CAMKMT: variants seen among roughly 807,000 people sequenced by gnomAD.
CAMKMT encodes calmodulin-lysine N-methyltransferase, also known as CaM KMT.
CAMKMT carries 53 observed loss-of-function variants against 48.0 expected under a neutral mutation model. That is an observed-to-expected ratio of 1.10 (90% CI 0.89 to 1.39). The LOEUF is 1.39. Ranked by LOEUF, CAMKMT falls within the 40% of genes most tolerant of loss-of-function variation. CAMKMT has a pLI of 0.00. For synonymous variants in CAMKMT, 165 were observed against 152.3 expected (o/e 1.08, Z -0.61); for missense variants, 428 against 402.7 (o/e 1.06, Z -0.54).
intron 2 of CAMKMT, among the ~76,000 whole-genome samples, chr2:44,378,625 C>A (rs1007651640): frequency 2.0e-5 from 3 of 152,160 alleles, no homozygotes; most frequent in African/African-American, 7.2e-5. Flanking sequence ...TCCTGATTAG[C>A]TGGGACTACA....
intron 5 of CAMKMT, 109 bp from the exon 6 acceptor site, chr2:44,707,290 G>C: frequency 1.2e-6 from 1 of 843,872 alleles, no homozygotes; most frequent in South Asian, 1.6e-5. Flanking sequence ...GATTGTTACA[G>C]AGAAATAGGT....
At chr2:44,522,240 C>T (rs553034622) in intron 3 of CAMKMT, among the ~76,000 whole-genome samples, 116 of 152,186 alleles carry the variant, frequency 7.6e-4, no homozygotes, top group Middle Eastern at 3.4e-3. Flanking sequence ...CTCCTGACCT[C>T]GTGATATGCT....
intron 3 of CAMKMT, among the ~76,000 whole-genome samples, chr2:44,564,588 A>G (rs1668510456): frequency 6.6e-6 from 1 of 151,416 alleles, no homozygotes; most frequent in Admixed American, 6.6e-5. Context: ...CTTGTCACCC[A>G]GGAAGCTGGA....
intron 3 of CAMKMT, among the ~76,000 whole-genome samples, chr2:44,597,556 C>G (rs1431174339): frequency 6.6e-6 from 1 of 152,196 alleles, no homozygotes; most frequent in African/African-American, 2.4e-5. Context: ...TTAACCCTTG[C>G]TGTGTCATGA....
intron 3 of CAMKMT, among the ~76,000 whole-genome samples, chr2:44,410,247 ATTTTTTTTTTT>A (rs1164693728): frequency 5.1e-5 from 1 of 19,486 alleles, no homozygotes; most frequent in Non-Finnish European, 1.0e-4. Flanking sequence ...ATATATATAT[ATTTTTTTTTTT>A]TTTTTTTTTT....
At chr2:44,669,273 T>C (rs4953130) in intron 3 of CAMKMT, among the ~76,000 whole-genome samples, 113,365 of 152,128 alleles carry the variant, frequency 0.75, 42,511 homozygotes, top group East Asian at 0.9. Context: ...AATTCATTTT[T>C]ACTGCAATAT....
At chr2:44,446,047 AGC>A (rs1666977585) in intron 3 of CAMKMT, among the ~76,000 whole-genome samples, 1 of 152,114 alleles carries the variant, frequency 6.6e-6, no homozygotes, top group Admixed American at 6.6e-5. Flanking sequence ...GGAATGTGAC[AGC>A]CAAGTATAAA....
intron 3 of CAMKMT, chr2:44,549,693 C>T (rs1483909080): frequency 3.6e-6 from 2 of 549,166 alleles, no homozygotes; most frequent in Non-Finnish European, 6.4e-6. Context: ...TATTTATTGG[C>T]TTAAGGATTA....
rs190121699 is a variant in CAMKMT at position 44,716,775 on chromosome 2, T to C, written c.623+1422T>C. The stretch of plus-strand genomic sequence containing the variant: ...AGTTATCAATCAAAAGTGCATTTTC[T>C]ATGTTGTCCTCATTTACATTTATTT... On this transcript the variant is annotated intron_variant, in intron 7 of 10. Transcript: ENST00000378494. 3.3e-5 allele frequency among the ~76,000 whole-genome samples: 5 copies of C among 152,344 alleles called. No individual in the cohort carries two copies. In the East Asian group the frequency reaches 9.6e-4, roughly 29 times the overall value.
intron 3 of CAMKMT, among the ~76,000 whole-genome samples, chr2:44,594,809 A>G (rs1670553054): frequency 6.6e-6 from 1 of 152,226 alleles, no homozygotes. Flanking sequence ...AAAATTGACA[A>G]GTGGGATCTA....
intron 3 of CAMKMT, among the ~76,000 whole-genome samples, chr2:44,559,140 A>G (rs1460250122): frequency 6.6e-6 from 1 of 152,180 alleles, no homozygotes; most frequent in South Asian, 2.1e-4. Context: ...TCCAACTTGA[A>G]CACTTTTGGA....
At chr2:44,366,345 C>A (rs940708232) in intron 1 of CAMKMT, among the ~76,000 whole-genome samples, 4 of 152,230 alleles carry the variant, frequency 2.6e-5, no homozygotes, top group African/African-American at 9.6e-5. Context: ...TCTACTACCA[C>A]GTACTGGATG....
chr2:44,563,620 C>T (rs1668447114), intron 3 of CAMKMT, among the ~76,000 whole-genome samples: 1 of 152,106 alleles, frequency 6.6e-6, no homozygotes, highest in Non-Finnish European at 1.5e-5. Flanking sequence ...CTATCCCTCC[C>T]CCTTCCCCCC....
At position 44,362,000 on chromosome 2, in the gene CAMKMT, C is replaced by T; in HGVS notation, c.-8C>T. 8 of 1,399,054 alleles carry T rather than the reference C, an allele frequency of 5.7e-6. No individual in the cohort carries two copies. Among genetic ancestry groups the T allele is most frequent in the Non-Finnish European group, 7.4e-6 (8 of 1,082,528 alleles). 86.7% of individuals were successfully genotyped at this position (1,399,054 alleles called of 1,614,324 possible). On this transcript the variant is annotated 5_prime_UTR_variant, in exon 1 of 11. Transcript: ENST00000378494. Reference sequence around the variant, plus strand: ...GTGGCACCTCCGGGTGTGGAAGGCTCCAGTGAGATGGAGTCGCGAGTCGCG... The same window carrying T: ...GTGGCACCTCCGGGTGTGGAAGGCTTCAGTGAGATGGAGTCGCGAGTCGCG...
chr2:44,642,603 T>G (rs1400026661), intron 3 of CAMKMT, among the ~76,000 whole-genome samples: 1 of 152,194 alleles, frequency 6.6e-6, no homozygotes, highest in Non-Finnish European at 1.5e-5. Context: ...TGTGACTTTA[T>G]GAGAAGTATC....
intron 3 of CAMKMT, among the ~76,000 whole-genome samples, chr2:44,696,979 A>T (rs1676991584): frequency 6.6e-6 from 1 of 152,170 alleles, no homozygotes; most frequent in Non-Finnish European, 1.5e-5. Flanking sequence ...GGACATTTCC[A>T]AGAAAGTAGA....
At chr2:44,501,136 G>A (rs1199547881) in intron 3 of CAMKMT, among the ~76,000 whole-genome samples, 1 of 150,096 alleles carries the variant, frequency 6.7e-6, no homozygotes, top group African/African-American at 2.5e-5. Context: ...TATATTCAAT[G>A]TGAATATTTT....
chr2:44,501,530 T>C (rs1670005597), intron 3 of CAMKMT, among the ~76,000 whole-genome samples: 1 of 152,228 alleles, frequency 6.6e-6, no homozygotes, highest in South Asian at 2.1e-4. Flanking sequence ...GCCTATCTCC[T>C]ATCTCCTAAC....
At chr2:44,656,825 A>AT (rs1674406475) in intron 3 of CAMKMT, among the ~76,000 whole-genome samples, 1 of 152,152 alleles carries the variant, frequency 6.6e-6, no homozygotes, top group Non-Finnish European at 1.5e-5. Context: ...AAAAGTTCCT[A>AT]TTTTAAATGA....
Sources: gnomAD v4.1 joint callset for allele counts (sites outside exome capture counted in the v4.1 genomes callset) on GRCh38, gnomAD v4.1.1 for gene constraint, MANE v1.5 for transcripts, NCBI Gene and HGNC (gene_info 2026-07-23, HGNC 2026-07-21) for gene names.